Variants in PCNX2 observed in about 807,000 individuals in gnomAD.
PCNX2 encodes pecanex 2, also known as pecanex-like protein 2.
PCNX2 carries 168 observed loss-of-function variants against 223.8 expected under a neutral mutation model. The observed-to-expected ratio is 0.75, with a 90% confidence interval of 0.66 to 0.85. The LOEUF (loss-of-function observed/expected upper bound fraction) is 0.85. Ranked by LOEUF, PCNX2 falls within the 40% of genes least tolerant of loss-of-function variation. PCNX2 has a pLI of 0.00. For synonymous variants in PCNX2, 1,006 were observed against 1,052.6 expected (o/e 0.96, Z 0.86); for missense variants, 2,507 against 2,675.5 (o/e 0.94, Z 1.39).
chr1:233,270,011 C>G (rs1420076673), intron 1 of PCNX2, among the ~76,000 whole-genome samples: 1 of 152,202 alleles, frequency 6.6e-6, no homozygotes, highest in Non-Finnish European at 1.5e-5. Context: ...TCTGCTCATC[C>G]ATTTTATCAA....
chr1:233,256,926 T>C (rs1323387403), intron 5 of PCNX2, among the ~76,000 whole-genome samples: 1 of 152,158 alleles, frequency 6.6e-6, no homozygotes, highest in Non-Finnish European at 1.5e-5. Flanking sequence ...GAAACGTTAC[T>C]ACCTACAGCA....
At chr1:233,047,491 A>G in intron 25 of PCNX2, 6 of 750,940 alleles carry the variant, frequency 8.0e-6, no homozygotes, top group Non-Finnish European at 9.7e-6. Flanking sequence ...TAGCTCTAAA[A>G]GATTTTACCT....
chr1:233,117,303 A>G (rs1336381622), intron 21 of PCNX2, among the ~76,000 whole-genome samples: 2 of 152,186 alleles, frequency 1.3e-5, no homozygotes, highest in Non-Finnish European at 2.9e-5. Context: ...TATTACCCTA[A>G]TAGCAAAACC....
chr1:233,262,370 G>A (rs1447787486), intron 2 of PCNX2, among the ~76,000 whole-genome samples: 3 of 152,030 alleles, frequency 2.0e-5, no homozygotes, highest in Non-Finnish European at 4.4e-5. Flanking sequence ...ATGGCTCACT[G>A]CAGCCTCAAG....
chr1:233,278,849 C>A (rs554242833), intron 1 of PCNX2, among the ~76,000 whole-genome samples: 1 of 152,286 alleles, frequency 6.6e-6, no homozygotes, highest in East Asian at 1.9e-4. Context: ...TCATTTCTCC[C>A]CTTTCTGTAG....
At chr1:233,238,769 T>C (rs1658574910) in intron 8 of PCNX2, among the ~76,000 whole-genome samples, 3 of 151,540 alleles carry the variant, frequency 2.0e-5, no homozygotes, top group South Asian at 4.2e-4. Flanking sequence ...AAAGTCTTCA[T>C]ATAAAGAACC....
chr1:232,998,271 C>T lies in PCNX2; in HGVS notation c.5771G>A (p.Cys1924Tyr), dbSNP rs1478239044. The change falls in exon 32 of 34, where the codon TGT becomes TAT. Residue 1924 changes from cysteine (C) to tyrosine (Y), a missense_variant. By Grantham distance (194) the Cys-to-Tyr change is radical. This residue lies in a region of PCNX2 where 1,372 missense variants were observed against 1,509.4 expected (regional missense o/e 0.91). Coordinates refer to ENST00000258229, the MANE Select transcript of PCNX2 (RefSeq NM_014801.4). ...CCCACCTGTTCTCTGTGTCCCTTCA[C>T]AGGATGACACCCCGTGCTGAGCACC... is the stretch of plus-strand genomic sequence containing the variant. ...KGGAQHGVSS[C>Y]EGTQRTGRRK... 1 of 1,587,150 alleles carries T rather than the reference C, an allele frequency of 6.3e-7. No individual in the cohort carries two copies.
At chr1:233,114,472 T>A (rs961703668) in intron 21 of PCNX2, among the ~76,000 whole-genome samples, 4 of 152,172 alleles carry the variant, frequency 2.6e-5, no homozygotes, top group Admixed American at 2.6e-4. Flanking sequence ...TTTTACTCTG[T>A]ATGAAGTGGT....
intron 23 of PCNX2, 162 bp downstream of exon 23, chr1:233,089,899 C>CT: frequency 1.4e-6 from 2 of 1,411,928 alleles, no homozygotes; most frequent in Non-Finnish European, 1.8e-6. Flanking sequence ...GACCCAAGAG[C>CT]TGAGTCAATG....
At chr1:233,106,805 TG>T (rs1419474056) in intron 21 of PCNX2, among the ~76,000 whole-genome samples, 1 of 152,190 alleles carries the variant, frequency 6.6e-6, no homozygotes, top group African/African-American at 2.4e-5. Context: ...GGCAACTTTT[TG>T]TAATGCCCTC....
intron 21 of PCNX2, among the ~76,000 whole-genome samples, chr1:233,124,264 A>AG (rs1675974956): frequency 6.6e-6 from 1 of 152,196 alleles, no homozygotes; most frequent in South Asian, 2.1e-4. Context: ...TAGGGTATGA[A>AG]GAACACTAGG....
chr1:233,233,651 T>C (rs920583871), intron 9 of PCNX2, among the ~76,000 whole-genome samples: 6 of 151,940 alleles, frequency 3.9e-5, no homozygotes, highest in Non-Finnish European at 8.8e-5. Context: ...ATTCCATCCT[T>C]TACTAGAAAG....
At chr1:233,181,493 G>A (rs1328494487) in intron 15 of PCNX2, among the ~76,000 whole-genome samples, 11 of 152,038 alleles carry the variant, frequency 7.2e-5, no homozygotes, top group African/African-American at 2.4e-4. Context: ...CACCATACCC[G>A]GCCAGTTGCT....
chr1:233,188,838 A>C lies in PCNX2; in HGVS notation c.3067-9663T>G, dbSNP rs796416579. ...ACCGGGCAATCTCCCTTTTAAGTTAAATTTTAATTTAAGTTAAAGTTACCT... is the reference window on the plus strand; with the variant it reads ...ACCGGGCAATCTCCCTTTTAAGTTACATTTTAATTTAAGTTAAAGTTACCT... On this transcript the variant is annotated intron_variant, in intron 15 of 33. Coordinates refer to ENST00000258229, the MANE Select transcript of PCNX2 (RefSeq NM_014801.4). Among the ~76,000 whole-genome samples, 51 of 152,234 alleles carry C rather than the reference A, an allele frequency of 3.4e-4. 2 individuals are homozygous for C. Among genetic ancestry groups the C allele is most frequent in the African/African-American group, 1.2e-3 (50 of 41,556 alleles).
intron 19 of PCNX2, among the ~76,000 whole-genome samples, chr1:233,151,417 C>T (rs1469547047): frequency 6.6e-6 from 1 of 152,184 alleles, no homozygotes. Context: ...GTGCTAATAG[C>T]CCAAAGCCAC....
intron 22 of PCNX2, among the ~76,000 whole-genome samples, chr1:233,090,868 T>A (rs1171310977): frequency 6.6e-6 from 1 of 152,208 alleles, no homozygotes; most frequent in African/African-American, 2.4e-5. Context: ...CCTTGCTTGA[T>A]CAAAGAGGTA....
rs886266338 is a variant in PCNX2, at chr1:232,990,219, G to T, written c.5792-3679C>A. On this transcript the variant is annotated intron_variant, in intron 32 of 33. Coordinates refer to ENST00000258229, the MANE Select transcript of PCNX2 (RefSeq NM_014801.4). The surrounding 1 kb of genome is among the most constrained non-coding windows in gnomAD (Gnocchi z 4.3). Reference sequence around the variant, plus strand: ...AGGTGGTTTCCGCAAAGTGTCCCGGGCAGGGCCAGGCAGAGCCGCCCCTCC... The same window carrying T: ...AGGTGGTTTCCGCAAAGTGTCCCGGTCAGGGCCAGGCAGAGCCGCCCCTCC... 5.9e-5 allele frequency among the ~76,000 whole-genome samples: 9 copies of T among 152,364 alleles called. No homozygotes were observed. The highest frequency in any genetic ancestry group is 5.9e-4 in the Admixed American group (9 of 15,306).
intron 1 of PCNX2, among the ~76,000 whole-genome samples, chr1:233,267,833 G>T (rs779478486): frequency 1.3e-5 from 2 of 152,110 alleles, no homozygotes; most frequent in Admixed American, 6.6e-5. Flanking sequence ...CAACATGGGT[G>T]TACACATATC....
rs566981757 is a variant in PCNX2, at chr1:233,008,092, C to T, written c.4953-6411G>A. ...CTGTGAGTATAATTCTTGAACTCAC[C>T]CCCATCTCACCCTCCTAATTGGTAT... On this transcript the variant is annotated intron_variant, in intron 28 of 33. Coordinates refer to ENST00000258229, the MANE Select transcript of PCNX2 (RefSeq NM_014801.4). Among the ~76,000 whole-genome samples, 17 of 152,190 alleles carry T rather than the reference C, an allele frequency of 1.1e-4. No homozygotes were observed. The South Asian group carries it at 3.3e-3, about 30-fold the overall frequency.
Sources: gnomAD v4.1 joint callset for allele counts (sites outside exome capture counted in the v4.1 genomes callset) on GRCh38, gnomAD v4.1.1 for gene constraint, gnomAD v4.1.1 regional missense constraint, Gnocchi (gnomAD v3.1) non-coding constraint, MANE v1.5 for transcripts, NCBI Gene and HGNC (gene_info 2026-07-23, HGNC 2026-07-21) for gene names.